Variants in PLCXD3 observed in about 807,000 individuals in gnomAD.
PLCXD3 encodes the protein phosphatidylinositol specific phospholipase C X domain containing 3.
Under a neutral mutation model 25.5 loss-of-function variants are expected in PLCXD3, and 19 were observed. The ratio of observed to expected loss-of-function variants is 0.75; its 90% CI spans 0.52 to 1.09. The LOEUF (loss-of-function observed/expected upper bound fraction) is 1.09, where lower values mean the gene tolerates loss of function less well. Among genes scored for constraint, PLCXD3 ranks in the 50% least tolerant of loss-of-function variants. The pLI is 0.00. For missense variants in PLCXD3, 411 were observed against 388.1 expected (o/e 1.06, Z -0.50); for synonymous variants, 174 against 137.6 (o/e 1.26, Z -1.85).
chr5:41,320,122 C>T (rs1241497504), intron 2 of PLCXD3, among the ~76,000 whole-genome samples: 1 of 151,972 alleles, frequency 6.6e-6, no homozygotes, highest in African/African-American at 2.4e-5. Flanking sequence ...TAAAAAGTCT[C>T]CCAGTAAAGA....
At chr5:41,508,007 T>C (rs543622161) in intron 1 of PLCXD3, among the ~76,000 whole-genome samples, 1 of 152,346 alleles carries the variant, frequency 6.6e-6, no homozygotes, top group Non-Finnish European at 1.5e-5. Context: ...TGGTTTTTTA[T>C]ATATGTGGAT....
At chr5:41,485,999 T>C (rs1209997862) in intron 1 of PLCXD3, among the ~76,000 whole-genome samples, 1 of 152,158 alleles carries the variant, frequency 6.6e-6, no homozygotes, top group Non-Finnish European at 1.5e-5. Context: ...AACGGGAAGT[T>C]TTCTCCACAG....
At chr5:41,366,699 A>C (rs891942349) in intron 2 of PLCXD3, among the ~76,000 whole-genome samples, 5 of 152,324 alleles carry the variant, frequency 3.3e-5, no homozygotes, top group Admixed American at 6.5e-5. Context: ...GAGGATGTGC[A>C]GATTTGTTAC....
At chr5:41,332,213 C>T (rs964975677) in intron 2 of PLCXD3, among the ~76,000 whole-genome samples, 1 of 152,012 alleles carries the variant, frequency 6.6e-6, no homozygotes, top group Non-Finnish European at 1.5e-5. Flanking sequence ...GGGCTAATAA[C>T]CAGAATCTAC....
chr5:41,441,625 T>C (rs574190891), intron 1 of PLCXD3, among the ~76,000 whole-genome samples: 126 of 152,320 alleles, frequency 8.3e-4, no homozygotes, highest in Non-Finnish European at 4.4e-5. Context: ...GATTTCTATA[T>C]GTTGGACCTC....
At chr5:41,423,736 A>G (rs537261261) in intron 1 of PLCXD3, among the ~76,000 whole-genome samples, 81 of 152,308 alleles carry the variant, frequency 5.3e-4, no homozygotes, top group African/African-American at 1.9e-3. Flanking sequence ...ACCTGAGGTC[A>G]GGAGTTCGAG....
Position 41,440,188 on chromosome 5 carries a change from G to C in PLCXD3, c.104-57654C>G, listed in dbSNP as rs529927738. ...AGCTCCGTTACTTATTAGCTATACA[G>C]TTCTGAGCAAATTACATAATCTCTC... On this transcript the variant is annotated intron_variant, in intron 1 of 2. Transcript: ENST00000377801. 3.1e-5 allele frequency among the ~76,000 whole-genome samples: 4 copies of C among 128,874 alleles called. No homozygotes were observed. The Admixed American group carries it at 3.3e-4, about 11-fold the overall frequency. 84.5% of individuals were successfully genotyped at this position (128,874 alleles called of 152,430 possible). A position where few individuals can be genotyped will look rare whatever the true frequency, so the allele number is the denominator to read the frequency against.
At chr5:41,406,271 A>G (rs1746347697) in intron 1 of PLCXD3, among the ~76,000 whole-genome samples, 1 of 152,040 alleles carries the variant, frequency 6.6e-6, no homozygotes, top group Admixed American at 6.6e-5. Context: ...CTTGGGTGAT[A>G]TCATCCATTT....
At chr5:41,475,423 C>T (rs1368175701) in intron 1 of PLCXD3, among the ~76,000 whole-genome samples, 1 of 152,200 alleles carries the variant, frequency 6.6e-6, no homozygotes, top group Non-Finnish European at 1.5e-5. Context: ...CTTTGCTAGT[C>T]TCTGCTAGTC....
rs535877896 is a variant in PLCXD3, at chr5:41,334,835, T to C, written c.813-21065A>G. 6.6e-5 allele frequency among the ~76,000 whole-genome samples: 10 copies of C among 152,260 alleles called. No individual in the cohort carries two copies. The East Asian group carries it at 1.9e-3, about 29-fold the overall frequency. ...TTTGCTCCAAGTCAGGGTTTCAAAA[T>C]GAGTCACAAACCCTGCCAGGAGACA... On this transcript the variant is annotated intron_variant, in intron 2 of 2. Transcript: ENST00000377801.
chr5:41,384,422 T>C, intron 1 of PLCXD3, among the ~76,000 whole-genome samples: 1 of 152,070 alleles, frequency 6.6e-6, no homozygotes, highest in East Asian at 1.9e-4. Flanking sequence ...GATCTAAGAT[T>C]AGGAGAGGTA....
At chr5:41,477,309 A>AT (rs1257492946) in intron 1 of PLCXD3, among the ~76,000 whole-genome samples, 9 of 152,202 alleles carry the variant, frequency 5.9e-5, no homozygotes, top group African/African-American at 1.9e-4. Context: ...TTTATTGTAG[A>AT]TTGTCAATAA....
chr5:41,307,441 T>C lies in PLCXD3; in HGVS notation c.*6176A>G, dbSNP rs1743029833. ...TCCAACATGGTTCTATTTTCTGCAT[T>C]GTTTTAGAAACCAGCCTTTGATCTC... On this transcript the variant is annotated 3_prime_UTR_variant, in exon 3 of 3. Transcript: ENST00000377801. 6.6e-6 allele frequency: 1 copy of C among 152,544 alleles called. No homozygotes were observed. Among genetic ancestry groups the C allele is most frequent in the African/African-American group, 2.4e-5 (1 of 41,448 alleles). The allele number at this position is 152,544 out of a possible 1,614,324, so 9.4% of individuals were successfully genotyped here. A position where few individuals can be genotyped will look rare whatever the true frequency, so the allele number is the denominator to read the frequency against.
At chr5:41,424,377 C>A (rs901403307) in intron 1 of PLCXD3, among the ~76,000 whole-genome samples, 2 of 152,126 alleles carry the variant, frequency 1.3e-5, no homozygotes, top group African/African-American at 4.8e-5. Context: ...CCCGTCTCTA[C>A]TAAAAATACA....
intron 1 of PLCXD3, among the ~76,000 whole-genome samples, chr5:41,414,006 C>A (rs1289138973): frequency 3.3e-5 from 5 of 152,184 alleles, no homozygotes; most frequent in African/African-American, 2.4e-5. Context: ...TTTACTGATA[C>A]AAAAATCTAG....
intron 1 of PLCXD3, among the ~76,000 whole-genome samples, chr5:41,474,310 A>T (rs185620435): frequency 2.0e-5 from 3 of 152,166 alleles, no homozygotes; most frequent in African/African-American, 7.2e-5. Context: ...AATCACAAGA[A>T]ACACTGTGCT....
intron 2 of PLCXD3, among the ~76,000 whole-genome samples, chr5:41,351,840 G>A (rs1182241089): frequency 6.6e-6 from 1 of 152,072 alleles, no homozygotes; most frequent in Non-Finnish European, 1.5e-5. Flanking sequence ...GCTAAGTCTA[G>A]CTTATATTAT....
chr5:41,368,751 T>C (rs761809923), intron 2 of PLCXD3, among the ~76,000 whole-genome samples: 1 of 152,204 alleles, frequency 6.6e-6, no homozygotes, highest in Non-Finnish European at 1.5e-5. Flanking sequence ...CATGAAGGGA[T>C]GTTGAATTTT....
intron 1 of PLCXD3, among the ~76,000 whole-genome samples, chr5:41,461,183 A>G (rs1747865369): frequency 6.6e-6 from 1 of 152,020 alleles, no homozygotes; most frequent in African/African-American, 2.4e-5. Context: ...TATGTAATCT[A>G]TAAACTGACA....
Sources: gnomAD v4.1 joint callset for allele counts (sites outside exome capture counted in the v4.1 genomes callset) on GRCh38, gnomAD v4.1.1 for gene constraint, MANE v1.5 for transcripts, NCBI Gene and HGNC (gene_info 2026-07-23, HGNC 2026-07-21) for gene names.